Variants in OAS3 observed in about 807,000 individuals in gnomAD.
OAS3 encodes 2'-5'-oligoadenylate synthase 3.
OAS3 carries 107 observed loss-of-function variants against 113.0 expected under a neutral mutation model. That is an observed-to-expected ratio of 0.95 (90% CI 0.81 to 1.11). The LOEUF (loss-of-function observed/expected upper bound fraction) is 1.11, where lower values mean the gene tolerates loss of function less well. OAS3 is among the 50% of genes most tolerant of loss of function. The pLI is 0.00. For missense variants in OAS3, 1,258 were observed against 1,389.1 expected, an observed-to-expected ratio of 0.91 and a Z score of 1.50; for synonymous variants, 552 against 573.6, an observed-to-expected ratio of 0.96 and a Z score of 0.54.
chr12:112,948,300 C>T (rs1055200937), intron 5 of OAS3, among the ~76,000 whole-genome samples: 2 of 151,978 alleles, frequency 1.3e-5, no homozygotes, highest in South Asian at 2.1e-4. Flanking sequence ...GTCAGGAGTT[C>T]GAGACCAGTC....
At chr12:112,955,321 C>T (rs947720450) in intron 7 of OAS3, among the ~76,000 whole-genome samples, 1 of 152,172 alleles carries the variant, frequency 6.6e-6, no homozygotes, top group Non-Finnish European at 1.5e-5. Context: ...ATTTCTTTCT[C>T]CTGCCTTATT....
intron 8 of OAS3, 74 bp from the exon 9 acceptor site, chr12:112,962,578 G>A: frequency 1.3e-6 from 2 of 1,524,886 alleles, no homozygotes; most frequent in Non-Finnish European, 1.8e-6. Flanking sequence ...TTCCCTTCCT[G>A]CCCCAAGTGC....
chr12:112,965,733 G>A lies in OAS3; in HGVS notation c.2404-11G>A. On this transcript the variant is annotated splice_polypyrimidine_tract_variant and intron_variant, in intron 11 of 15. Coordinates refer to ENST00000228928, the MANE Select transcript of OAS3 (RefSeq NM_006187.4). The stretch of plus-strand genomic sequence containing the variant: ...CTTCAAGGGTTGAGCCACCTGCCAT[G>A]TCCTCTCCAGGGTGGCTCTTCAGCC... 6.2e-7 allele frequency: 1 copy of A among 1,602,722 alleles called. No homozygotes were observed. The highest frequency in any genetic ancestry group is 1.3e-5 in the African/African-American group (1 of 74,938).
intron 5 of OAS3, 50 bp downstream of exon 5, chr12:112,948,149 T>C (rs2043751267): frequency 6.9e-7 from 1 of 1,459,368 alleles, no homozygotes; most frequent in African/African-American, 1.4e-5. Context: ...TGTTTATGTG[T>C]CCAGTGTTTC....
chr12:112,962,260 T>C (rs757768763), intron 8 of OAS3, among the ~76,000 whole-genome samples: 3 of 152,240 alleles, frequency 2.0e-5, no homozygotes, highest in Non-Finnish European at 2.9e-5. Context: ...GATACCAAGA[T>C]GGATACATTG....
intron 7 of OAS3, among the ~76,000 whole-genome samples, chr12:112,953,730 G>C (rs1348557891): frequency 6.6e-6 from 1 of 152,110 alleles, no homozygotes; most frequent in Non-Finnish European, 1.5e-5. Flanking sequence ...GCATTTCTCT[G>C]ATGGCCAGTG....
chr12:112,962,685 C>T lies in OAS3; in HGVS notation c.1867C>T (p.Pro623Ser), dbSNP rs1258199919. 9 of 1,614,014 alleles carry T rather than the reference C, an allele frequency of 5.6e-6. No individual in the cohort carries two copies. Among genetic ancestry groups the T allele is most frequent in the Non-Finnish European group, 7.6e-6 (9 of 1,179,896 alleles). The change falls in exon 9 of 16, where the codon CCT (proline) becomes TCT (serine). Residue 623 changes from proline to serine, a missense_variant. Transcript: ENST00000228928. Reference sequence around the variant, plus strand: ...TCAGAACAAAGGAAAAGGACCAGCCCCTGCCTCTCTGCCCCCAGCCTATGC... The same window carrying T: ...TCAGAACAAAGGAAAAGGACCAGCCTCTGCCTCTCTGCCCCCAGCCTATGC... ...AAQNKGKGPA[P>S]ASLPPAYALE...
chr12:112,948,143 T>A (rs776577818), intron 5 of OAS3, 44 bp downstream of exon 5: 42 of 1,474,206 alleles, frequency 2.8e-5, no homozygotes, highest in Non-Finnish European at 3.7e-5. Flanking sequence ...GCACTTTGTT[T>A]ATGTGTCCAG....
intron 1 of OAS3, among the ~76,000 whole-genome samples, chr12:112,940,537 C>T (rs1415147235): frequency 1.3e-5 from 2 of 152,218 alleles, no homozygotes; most frequent in Non-Finnish European, 2.9e-5. Flanking sequence ...TCCAAATCCT[C>T]AGGTTGGAAG....
At chr12:112,962,924 C>T in intron 9 of OAS3, 22 bp downstream of exon 9, 1 of 1,610,536 alleles carries the variant, frequency 6.2e-7, no homozygotes, top group South Asian at 1.1e-5. Context: ...CTTCCCTTTG[C>T]CTGGCTTCAT....
intron 8 of OAS3, 50 bp downstream of exon 8, chr12:112,961,296 AC>A: frequency 6.4e-7 from 1 of 1,554,280 alleles, no homozygotes. Flanking sequence ...CATGGCAACC[AC>A]CCCAGCCAAT....
Position 112,964,325 on chromosome 12 carries a change from A to G in OAS3, c.2320A>G (p.Asn774Asp). The G allele has an allele frequency of 6.2e-7, 1 of 1,611,302 alleles. No homozygotes were observed. The highest frequency in any genetic ancestry group is 8.5e-7 in the Non-Finnish European group (1 of 1,178,788). Residue 774 changes from asparagine (N) to aspartate (D), a missense_variant, in exon 11 of 16, where the codon AAC becomes GAC. Physicochemically the swap from Asn to Asp is conservative, Grantham distance 23. Coordinates refer to ENST00000228928, the MANE Select transcript of OAS3 (RefSeq NM_006187.4). Reference sequence around the variant, plus strand: ...CAACCGCCAGTTCCTGGCCCAGGTGAACAAGGCCGTTGATACCATCTGTTC... The same window carrying G: ...CAACCGCCAGTTCCTGGCCCAGGTGGACAAGGCCGTTGATACCATCTGTTC... ...QPNRQFLAQV[N>D]KAVDTICSFL...
rs556796176 is a variant in OAS3, at chr12:112,963,188, A to T, written c.2085-125A>T. 4.8e-6 allele frequency: 6 copies of T among 1,242,626 alleles called. No individual in the cohort carries two copies. In the Admixed American group the frequency reaches 1.1e-4, roughly 23 times the overall value. The allele number at this position is 1,242,626 out of a possible 1,614,324, so 77.0% of individuals were successfully genotyped here. A position where few individuals can be genotyped will look rare whatever the true frequency, so the allele number is the denominator to read the frequency against. Reference sequence around the variant, plus strand: ...ATTGAGATCGCTTCTGCACTTGGGCAAGACTGAGCCAACCCTGAGGTCCTG... The same window carrying T: ...ATTGAGATCGCTTCTGCACTTGGGCTAGACTGAGCCAACCCTGAGGTCCTG... On this transcript the variant is annotated intron_variant, in intron 9 of 15. Coordinates refer to ENST00000228928, the MANE Select transcript of OAS3 (RefSeq NM_006187.4). The surrounding 1 kb of genome is among the most constrained non-coding windows in gnomAD (Gnocchi z 4.6).
chr12:112,941,140 A>G (rs2043675077), intron 1 of OAS3, among the ~76,000 whole-genome samples: 1 of 151,906 alleles, frequency 6.6e-6, no homozygotes, highest in Admixed American at 6.6e-5. Context: ...GTGAGCTACA[A>G]TCGTGTCTGT....
In OAS3 at chr12:112,970,202, A is replaced by G. The variant is rs2136364759; in HGVS notation, c.*229A>G. ...GCTTACACACTAGGATCCAGACTCC[A>G]TGGTTTGACACCAGCCTGCGTTTGC... On this transcript the variant is annotated 3_prime_UTR_variant, in exon 16 of 16. Transcript: ENST00000228928. 2 of 602,222 alleles carry G rather than the reference A, an allele frequency of 3.3e-6. No homozygotes were observed. The highest frequency in any genetic ancestry group is 2.8e-5 in the East Asian group (1 of 35,446). 37.3% of individuals were successfully genotyped at this position (602,222 alleles called of 1,614,324 possible). A position where few individuals can be genotyped will look rare whatever the true frequency, so the allele number is the denominator to read the frequency against.
Position 112,946,934 on chromosome 12 carries a change from G to T in OAS3, c.828G>T (p.Glu276Asp). Residue 276 changes from glutamate (E) to aspartate (D), a missense_variant, in exon 4 of 16, where the codon GAG becomes GAT. Glu to Asp is a conservative substitution (Grantham distance 45). Coordinates refer to ENST00000228928, the MANE Select transcript of OAS3 (RefSeq NM_006187.4). The part of the protein sequence containing the change: ...CVFWTVNYGF[E>D]DPAVGQFLQR... ...TCTGGACTGTCAACTATGGCTTCGAGGACCCTGCAGTTGGGCAGTTCTTGC... is the reference window on the plus strand; with the variant it reads ...TCTGGACTGTCAACTATGGCTTCGATGACCCTGCAGTTGGGCAGTTCTTGC... 1 of 1,614,042 alleles carries T rather than the reference G, an allele frequency of 6.2e-7. No homozygotes were observed. Among genetic ancestry groups the T allele is most frequent in the Non-Finnish European group, 8.5e-7 (1 of 1,179,898 alleles).
At chr12:112,964,050 TGC>T (rs1231598577) in intron 10 of OAS3, among the ~76,000 whole-genome samples, 183 bp from the exon 11 acceptor site, 1 of 152,242 alleles carries the variant, frequency 6.6e-6, no homozygotes, top group Non-Finnish European at 1.5e-5. Context: ...TGTGTATTGA[TGC>T]TGGAACCAAA....
Position 112,963,274 on chromosome 12 carries a change from C to A in OAS3, c.2085-39C>A. The A allele has an allele frequency of 6.5e-7, 1 of 1,534,422 alleles. No individual in the cohort carries two copies. Among genetic ancestry groups the A allele is most frequent in the South Asian group, 1.3e-5 (1 of 79,770 alleles). On this transcript the variant is annotated intron_variant, in intron 9 of 15. Coordinates refer to ENST00000228928, the MANE Select transcript of OAS3 (RefSeq NM_006187.4). This position sits in a 1 kb window ranked among gnomAD's most constrained non-coding sequence, Gnocchi z 4.6. The stretch of plus-strand genomic sequence containing the variant: ...TTCCACCCGCCTCCTCTTTCACTGA[C>A]TCCCACCTTCCCCACCCACCTTCCT...
At chr12:112,946,267 A>G (rs2043727762) in intron 3 of OAS3, among the ~76,000 whole-genome samples, 1 of 151,990 alleles carries the variant, frequency 6.6e-6, no homozygotes, top group Non-Finnish European at 1.5e-5. Context: ...GATCCCAAGT[A>G]TATGGTGCAC....
Sources: gnomAD v4.1 joint callset for allele counts (sites outside exome capture counted in the v4.1 genomes callset) on GRCh38, gnomAD v4.1.1 for gene constraint, Gnocchi (gnomAD v3.1) non-coding constraint, MANE v1.5 for transcripts, NCBI Gene and HGNC (gene_info 2026-07-23, HGNC 2026-07-21) for gene names.